The following THSD7B variants were observed in gnomAD, a reference collection of about 807,000 sequenced individuals.
The protein encoded by THSD7B is thrombospondin type-1 domain-containing protein 7B.
In THSD7B, 138 loss-of-function variants were observed where a neutral mutation model predicts 213.6. The ratio of observed to expected loss-of-function variants is 0.65; its 90% CI spans 0.56 to 0.74. The LOEUF is 0.74. THSD7B is among the 30% of genes least tolerant of loss of function. The probability of loss-of-function intolerance (pLI) is 0.00; values close to 1 mark genes in which losing one functional copy is unlikely to be tolerated. For synonymous variants in THSD7B, 742 were observed against 687.0 expected (o/e 1.08, Z -1.25); for missense variants, 1,931 against 1,991.5 (o/e 0.97, Z 0.58).
In THSD7B at chr2:137,642,353, A is replaced by G. The variant is rs184374059; in HGVS notation, c.3800-135A>G. ...GTGGAACTCTAAATGAAAATGACAGAAAAACTAAAAGTGAGATAGGACAGA... is the reference window on the plus strand; with the variant it reads ...GTGGAACTCTAAATGAAAATGACAGGAAAACTAAAAGTGAGATAGGACAGA... On this transcript the variant is annotated intron_variant, in intron 20 of 27. Coordinates refer to ENST00000409968, the MANE Select transcript of THSD7B (RefSeq NM_001316349.2). 1,294 of 1,126,492 alleles carry G rather than the reference A, an allele frequency of 1.1e-3. 4 individuals are homozygous for G. The highest frequency in any genetic ancestry group is 3.2e-3 in the Admixed American group (125 of 39,516). The allele number at this position is 1,126,492 out of a possible 1,614,324, so 69.8% of individuals were successfully genotyped here.
At chr2:137,125,951 G>A (rs1688623022) in intron 5 of THSD7B, among the ~76,000 whole-genome samples, 1 of 152,122 alleles carries the variant, frequency 6.6e-6, no homozygotes, top group African/African-American at 2.4e-5. Context: ...TAGTCTGAAG[G>A]GAATCTCTTT....
At chr2:137,210,650 T>C (rs1261745742) in intron 7 of THSD7B, among the ~76,000 whole-genome samples, 1 of 152,066 alleles carries the variant, frequency 6.6e-6, no homozygotes, top group Non-Finnish European at 1.5e-5. Context: ...CTTCGTTTGA[T>C]GTATAGTAAT....
At chr2:137,281,441 G>T (rs564143927) in intron 12 of THSD7B, among the ~76,000 whole-genome samples, 1 of 151,430 alleles carries the variant, frequency 6.6e-6, no homozygotes, top group South Asian at 2.1e-4. Flanking sequence ...AAGTTTTAGG[G>T]TACATGTGCA....
intron 2 of THSD7B, among the ~76,000 whole-genome samples, chr2:136,939,602 C>A (rs981043797): frequency 6.6e-6 from 1 of 152,174 alleles, no homozygotes; most frequent in Non-Finnish European, 1.5e-5. Context: ...TCAGCTCTTT[C>A]CTGTCTCTTC....
chr2:137,254,367 G>A (rs953913678), intron 10 of THSD7B, among the ~76,000 whole-genome samples: 1 of 152,210 alleles, frequency 6.6e-6, no homozygotes, highest in Non-Finnish European at 1.5e-5. Context: ...AAGGAATACA[G>A]ATCACACGAA....
chr2:137,594,988 T>A (rs1681932441), intron 17 of THSD7B, among the ~76,000 whole-genome samples: 1 of 152,016 alleles, frequency 6.6e-6, no homozygotes, highest in African/African-American at 2.4e-5. Flanking sequence ...TGTTTTGCTA[T>A]CTTTACTTTC....
intron 1 of THSD7B, among the ~76,000 whole-genome samples, chr2:136,772,041 T>C (rs537216505): frequency 6.6e-6 from 1 of 152,298 alleles, no homozygotes; most frequent in Non-Finnish European, 1.5e-5. Flanking sequence ...TTAGTCCCTT[T>C]TTTTTTGTAA....
chr2:137,444,011 G>A (rs1293435238), intron 14 of THSD7B, among the ~76,000 whole-genome samples: 2 of 151,842 alleles, frequency 1.3e-5, no homozygotes, highest in Non-Finnish European at 2.9e-5. Context: ...TTATTTTGTC[G>A]ATGCTGATGG....
intron 21 of THSD7B, among the ~76,000 whole-genome samples, chr2:137,642,846 C>T (rs1682964982): frequency 6.6e-6 from 1 of 152,112 alleles, no homozygotes; most frequent in Non-Finnish European, 1.5e-5. Flanking sequence ...ATTCATTAAG[C>T]ACTGATTATA....
intron 2 of THSD7B, among the ~76,000 whole-genome samples, chr2:137,009,290 T>C (rs1179683287): frequency 2.0e-5 from 3 of 152,300 alleles, no homozygotes; most frequent in African/African-American, 7.2e-5. Context: ...AGGCAGGAAT[T>C]CTTTCTTTGT....
intron 20 of THSD7B, among the ~76,000 whole-genome samples, chr2:137,638,828 G>A (rs1375288450): frequency 6.6e-6 from 1 of 152,158 alleles, no homozygotes; most frequent in Non-Finnish European, 1.5e-5. Context: ...CTGCCCTAGA[G>A]ATTTGTGAAA....
chr2:137,674,731 G>A (rs1016891204), intron 27 of THSD7B, among the ~76,000 whole-genome samples: 7 of 152,266 alleles, frequency 4.6e-5, no homozygotes, highest in African/African-American at 9.6e-5. Flanking sequence ...TTGCATCTCC[G>A]CAGCTTCTCT....
intron 5 of THSD7B, among the ~76,000 whole-genome samples, chr2:137,157,375 G>GT (rs1206358495): frequency 6.6e-6 from 1 of 152,188 alleles, no homozygotes; most frequent in African/African-American, 2.4e-5. Context: ...TACCTTGGGG[G>GT]ATACCTGACA....
chr2:137,366,009 A>C (rs1685398187), intron 12 of THSD7B, among the ~76,000 whole-genome samples: 1 of 152,364 alleles, frequency 6.6e-6, no homozygotes, highest in Non-Finnish European at 1.5e-5. Context: ...CATCAGTGGT[A>C]GACTGGATTA....
At chr2:137,424,439 A>G (rs1487085149) in intron 14 of THSD7B, among the ~76,000 whole-genome samples, 2 of 152,208 alleles carry the variant, frequency 1.3e-5, no homozygotes, top group East Asian at 3.8e-4. Context: ...AAAGAAAATT[A>G]TAGGCCAATA....
chr2:137,173,482 G>T (rs1251390310), intron 7 of THSD7B, among the ~76,000 whole-genome samples: 2 of 152,144 alleles, frequency 1.3e-5, no homozygotes, highest in African/African-American at 4.8e-5. Context: ...CAGCTTTACT[G>T]TTTTACAGCA....
intron 19 of THSD7B, among the ~76,000 whole-genome samples, chr2:137,618,821 T>A (rs73961012): frequency 0.12 from 18,245 of 152,258 alleles, 1,224 homozygotes; most frequent in South Asian, 0.21. Flanking sequence ...AATATTTAAA[T>A]GTGATTCTTT....
chr2:136,946,639 C>G (rs1160225788), intron 2 of THSD7B, among the ~76,000 whole-genome samples: 6 of 152,128 alleles, frequency 3.9e-5, no homozygotes, highest in Admixed American at 3.3e-4. Flanking sequence ...TTGGCTCTGC[C>G]CAGTTCGAGC....
At position 137,384,111 on chromosome 2, in the gene THSD7B, G is replaced by A. The variant is rs75166129; in HGVS notation, c.2501-21502G>A. ...ATACCTAGCTTTGCTCTCCAGGCAT[G>A]TGGTGAACAAACATCCTCTGCCTCC... On this transcript the variant is annotated intron_variant, in intron 12 of 27. Coordinates refer to ENST00000409968, the MANE Select transcript of THSD7B (RefSeq NM_001316349.2). 6.6e-3 allele frequency among the ~76,000 whole-genome samples: 1,002 copies of A among 152,246 alleles called. 8 individuals are homozygous for A. The highest frequency in any genetic ancestry group is 0.023 in the African/African-American group (950 of 41,552).
Sources: allele counts gnomAD v4.1 joint callset (sites outside exome capture counted in the v4.1 genomes callset), GRCh38; gene constraint gnomAD v4.1.1; transcripts MANE v1.5; gene names NCBI Gene and HGNC (gene_info 2026-07-23, HGNC 2026-07-21).